The following AKAIN1 variants were observed in gnomAD, a reference collection of about 807,000 sequenced individuals.
The protein encoded by AKAIN1 is A-kinase anchor protein inhibitor 1.
AKAIN1 carries 3 observed loss-of-function variants against 3.7 expected under a neutral mutation model. The ratio of observed to expected loss-of-function variants is 0.82; its 90% CI spans 0.37 to 2.12. The LOEUF (loss-of-function observed/expected upper bound fraction) is 2.12, where lower values mean the gene tolerates loss of function less well. Ranked by LOEUF, AKAIN1 falls within the 30% of genes most tolerant of loss-of-function variation. The pLI, the probability that AKAIN1 is intolerant of heterozygous loss-of-function variation, is 0.06. For synonymous variants in AKAIN1, 31 were observed against 30.8 expected (o/e 1.01, Z -0.02); for missense variants, 82 against 82.7 (o/e 0.99, Z 0.03).
intron 1 of AKAIN1, among the ~76,000 whole-genome samples, chr18:5,171,890 C>G (rs962707224): frequency 7.9e-5 from 12 of 152,090 alleles, no homozygotes; most frequent in African/African-American, 2.9e-4. Context: ...ACCTGCACTC[C>G]CATGTTTATT....
intron 1 of AKAIN1, among the ~76,000 whole-genome samples, chr18:5,162,557 C>T (rs191738383): frequency 3.8e-4 from 58 of 151,400 alleles, no homozygotes; most frequent in African/African-American, 1.3e-3. Flanking sequence ...AATAGAAATG[C>T]CTAGGATGAA....
intron 1 of AKAIN1, among the ~76,000 whole-genome samples, chr18:5,196,023 C>CT (rs937984231): frequency 2.6e-5 from 4 of 151,042 alleles, no homozygotes; most frequent in Non-Finnish European, 5.9e-5. Flanking sequence ...CAATTCTTCC[C>CT]TTTAAAAAAA....
In AKAIN1 at chr18:5,193,666, A is replaced by T. The variant is rs751531391; in HGVS notation, c.16+3372T>A. ...CTGACATTCTCTTGTGTACTTTGTC[A>T]CCTTTAATACCAATGGTCAGTGGTC... On this transcript the variant is annotated intron_variant, in intron 1 of 1. Transcript: ENST00000434239. Among the ~76,000 whole-genome samples, 15 of 152,246 alleles carry T rather than the reference A, an allele frequency of 9.9e-5. 1 individual carries two copies. Among genetic ancestry groups the T allele is most frequent in the Middle Eastern group, 6.8e-3 (2 of 294 alleles).
At chr18:5,196,562 T>C (rs1486579633) in intron 1 of AKAIN1, among the ~76,000 whole-genome samples, 3 of 152,226 alleles carry the variant, frequency 2.0e-5, no homozygotes, top group East Asian at 1.9e-4. Flanking sequence ...CTACTCCCCT[T>C]GGCTTCGCCC....
intron 1 of AKAIN1, among the ~76,000 whole-genome samples, chr18:5,185,307 G>A (rs972090089): frequency 1.3e-5 from 2 of 151,956 alleles, no homozygotes; most frequent in African/African-American, 4.8e-5. Context: ...TGAAGAAGAT[G>A]CCAAAAACAA....
rs538407842 is a variant in AKAIN1, at chr18:5,154,195, A to G, written c.17-8440T>C. ...AAAAAGCAACAACCATGAAGAAAAA[A>G]TTGGACAAATTGGGCTACATTAAAA... On this transcript the variant is annotated intron_variant, in intron 1 of 1. Transcript: ENST00000434239. Among the ~76,000 whole-genome samples, 3 of 152,336 alleles carry G rather than the reference A, an allele frequency of 2.0e-5. No homozygotes were observed. In the South Asian group the frequency reaches 6.2e-4, roughly 32 times the overall value.
At chr18:5,175,589 T>C (rs1385634587) in intron 1 of AKAIN1, among the ~76,000 whole-genome samples, 1 of 152,162 alleles carries the variant, frequency 6.6e-6, no homozygotes, top group Non-Finnish European at 1.5e-5. Context: ...AGGTAGAGCA[T>C]GTTGGTAGAA....
intron 1 of AKAIN1, among the ~76,000 whole-genome samples, chr18:5,157,267 A>C (rs1183205100): frequency 6.6e-6 from 1 of 152,202 alleles, no homozygotes; most frequent in African/African-American, 2.4e-5. Context: ...ATAAGGAAGG[A>C]AAGCAAGGAG....
At chr18:5,180,781 G>A (rs985707425) in intron 1 of AKAIN1, among the ~76,000 whole-genome samples, 1 of 152,006 alleles carries the variant, frequency 6.6e-6, no homozygotes, top group African/African-American at 2.4e-5. Flanking sequence ...AATAAAATGG[G>A]AAGGCAGGAA....
At chr18:5,197,000 C>G (rs1425272895) in intron 1 of AKAIN1, 38 bp downstream of exon 1, 7 of 1,525,964 alleles carry the variant, frequency 4.6e-6, no homozygotes, top group Non-Finnish European at 8.9e-7. Flanking sequence ...CCCTGCTCCC[C>G]TCCTAGACAC....
At chr18:5,182,821 C>T (rs1199780623) in intron 1 of AKAIN1, among the ~76,000 whole-genome samples, 1 of 152,100 alleles carries the variant, frequency 6.6e-6, no homozygotes, top group African/African-American at 2.4e-5. Context: ...CCATCCCTGA[C>T]AGCAGCATCC....
chr18:5,145,591 C>A lies in AKAIN1; in HGVS notation c.181G>T (p.Glu61Ter), dbSNP rs2071043916. The change falls in exon 2 of 2, where the codon GAG becomes TAG. Residue 61 changes from glutamate to a stop codon, truncating the protein, a stop_gained. Transcript: ENST00000434239. LOFTEE classifies it high-confidence loss of function. ...NRDHIQLGVGELTKKHEKK is the reference protein window; with the variant it reads ...NRDHIQLGVG ...TTCTTTTCGTGCTTCTTGGTTAACT[C>A]CCCAACGCCCAGTTGGATGTGGTCC... 2 of 1,551,582 alleles carry A rather than the reference C, an allele frequency of 1.3e-6. No individual in the cohort carries two copies. Among genetic ancestry groups the A allele is most frequent in the South Asian group, 2.4e-5 (2 of 84,044 alleles).
upstream of AKAIN1, chr18:5,197,516 A>AAAAAAC (rs58012253): frequency 8.3e-7 from 1 of 1,210,036 alleles, no homozygotes; most frequent in African/African-American, 1.6e-5. The surrounding 1 kb of genome is among the most constrained non-coding windows in gnomAD (Gnocchi z 6.9). Flanking sequence ...AAAAAAAAAA[A>AAAAAAC]CTCTAAGAGC....
Position 5,145,442 on chromosome 18 carries a change from A to T in AKAIN1, c.*120T>A. 1.3e-6 allele frequency: 1 copy of T among 750,854 alleles called. No homozygotes were observed. Among genetic ancestry groups the T allele is most frequent in the Non-Finnish European group, 2.2e-6 (1 of 459,732 alleles). The allele number at this position is 750,854 out of a possible 1,614,324, so 46.5% of individuals were successfully genotyped here. Reference sequence around the variant, plus strand: ...CTCAGCCAGGGGCTAGTGTGAATTCATTCTACAGCTAGGTGCCGGTGACAC... The same window carrying T: ...CTCAGCCAGGGGCTAGTGTGAATTCTTTCTACAGCTAGGTGCCGGTGACAC... On this transcript the variant is annotated 3_prime_UTR_variant, in exon 2 of 2. Coordinates refer to ENST00000434239, the MANE Select transcript of AKAIN1 (RefSeq NM_001145194.2).
chr18:5,195,037 C>T (rs1243918599), intron 1 of AKAIN1, among the ~76,000 whole-genome samples: 2 of 152,084 alleles, frequency 1.3e-5, no homozygotes, highest in Non-Finnish European at 2.9e-5. Flanking sequence ...AATTAGAAAA[C>T]AAATGATCCA....
chr18:5,186,630 C>T (rs2071289111), intron 1 of AKAIN1, among the ~76,000 whole-genome samples: 1 of 152,020 alleles, frequency 6.6e-6, no homozygotes, highest in South Asian at 2.1e-4. Flanking sequence ...AATTAATATG[C>T]CAAGTAGGCT....
At chr18:5,185,434 T>C (rs1043678078) in intron 1 of AKAIN1, among the ~76,000 whole-genome samples, 2 of 152,104 alleles carry the variant, frequency 1.3e-5, no homozygotes, top group African/African-American at 4.8e-5. Flanking sequence ...GAAAAATATT[T>C]ACGAACTATG....
At chr18:5,146,656 C>T (rs532163002) in intron 1 of AKAIN1, among the ~76,000 whole-genome samples, 1 of 152,174 alleles carries the variant, frequency 6.6e-6, no homozygotes, top group Non-Finnish European at 1.5e-5. Flanking sequence ...AACCTGCCCC[C>T]CTCCCCGCCT....
At chr18:5,191,004 A>G (rs968343823) in intron 1 of AKAIN1, among the ~76,000 whole-genome samples, 1 of 152,190 alleles carries the variant, frequency 6.6e-6, no homozygotes, top group Non-Finnish European at 1.5e-5. Flanking sequence ...TCTCTCAGCA[A>G]ACTAGGAATA....
Sources: allele counts gnomAD v4.1 joint callset (sites outside exome capture counted in the v4.1 genomes callset), GRCh38; gene constraint gnomAD v4.1.1; non-coding constraint Gnocchi (gnomAD v3.1); transcripts MANE v1.5; gene names NCBI Gene and HGNC (gene_info 2026-07-23, HGNC 2026-07-21).